The following TAF4B variants were observed in gnomAD, a reference collection of about 807,000 sequenced individuals.
The protein encoded by TAF4B is transcription initiation factor TFIID subunit 4B.
A neutral mutation model predicts 86.4 loss-of-function variants in TAF4B; 38 were observed. That is an observed-to-expected ratio of 0.44 (90% confidence interval 0.34 to 0.58). The LOEUF (loss-of-function observed/expected upper bound fraction) is 0.58, where lower values mean the gene tolerates loss of function less well. TAF4B is among the 20% of genes least tolerant of loss of function. TAF4B has a pLI of 0.02. For synonymous variants in TAF4B, 388 were observed against 391.2 expected, an observed-to-expected ratio of 0.99 and a Z score of 0.10; for missense variants, 988 against 1,027.6, an observed-to-expected ratio of 0.96 and a Z score of 0.53.
At chr18:26,297,219 C>T (rs1206203815) in intron 9 of TAF4B, among the ~76,000 whole-genome samples, 2 of 151,150 alleles carry the variant, frequency 1.3e-5, no homozygotes, top group Admixed American at 6.6e-5. Flanking sequence ...AGCATACACA[C>T]AGACCAGATC....
intron 1 of TAF4B, among the ~76,000 whole-genome samples, chr18:26,253,337 A>G (rs531454545): frequency 2.0e-5 from 3 of 152,236 alleles, no homozygotes; most frequent in South Asian, 4.2e-4. Context: ...TGAGATGATC[A>G]TGTGTTTTTT....
chr18:26,386,528 G>A (rs1286627088), intron 14 of TAF4B, among the ~76,000 whole-genome samples: 1 of 152,068 alleles, frequency 6.6e-6, no homozygotes, highest in Non-Finnish European at 1.5e-5. Flanking sequence ...AGATCAAGAA[G>A]GAAACATCAC....
intron 3 of TAF4B, among the ~76,000 whole-genome samples, chr18:26,270,911 G>A (rs934180008): frequency 2.6e-5 from 4 of 152,118 alleles, no homozygotes; most frequent in Admixed American, 1.3e-4. Flanking sequence ...ATGTTTCCTC[G>A]TGTTTGTAGT....
Position 26,286,247 on chromosome 18 carries a change from C to T in TAF4B, c.1338C>T (p.Thr446=), listed in dbSNP as rs769783375. The T allele has an allele frequency of 1.6e-5, 26 of 1,614,100 alleles. No homozygotes were observed. The South Asian group carries it at 2.9e-4, about 18-fold the overall frequency. ...TGACATCTGTGGCAAACACAGTGAC[C>T]ACGGTCTCACTGCAACCTGAAAAGC... ...PLVTSVANTV[T]TVSLQPEKPV... The change falls in exon 7 of 15, where the codon ACC becomes ACT. Residue 446 remains threonine (T), a synonymous_variant. Transcript: ENST00000269142.
At chr18:26,324,508 A>G (rs1250828529) in intron 11 of TAF4B, among the ~76,000 whole-genome samples, 1 of 152,186 alleles carries the variant, frequency 6.6e-6, no homozygotes, top group Non-Finnish European at 1.5e-5. Context: ...ATATTTATTG[A>G]ATGGCATTCA....
chr18:26,358,237 A>T (rs2144734222), intron 14 of TAF4B, among the ~76,000 whole-genome samples: 1 of 152,234 alleles, frequency 6.6e-6, no homozygotes, highest in African/African-American at 2.4e-5. Flanking sequence ...TTTGCATGGC[A>T]TTGTTTCCTT....
At chr18:26,284,818 G>A (rs1420106883) in intron 6 of TAF4B, among the ~76,000 whole-genome samples, 2 of 152,062 alleles carry the variant, frequency 1.3e-5, no homozygotes, top group Non-Finnish European at 2.9e-5. Context: ...GCAGAGAGCC[G>A]AGATCACGCC....
At chr18:26,344,500 T>C (rs1384327769) in intron 13 of TAF4B, among the ~76,000 whole-genome samples, 1 of 152,170 alleles carries the variant, frequency 6.6e-6, no homozygotes, top group Non-Finnish European at 1.5e-5. Flanking sequence ...AGATATTTTC[T>C]GGTGAAGGAA....
Position 26,367,092 on chromosome 18 carries a change from A to G in TAF4B, c.2421+9298A>G, listed in dbSNP as rs775005028. On this transcript the variant is annotated intron_variant, in intron 14 of 14. Transcript: ENST00000269142. ...AGGATCATCCTAAAAGCACTATTCT[A>G]TAATTTGTGGGACAGTGTGTCTTGG... is the stretch of plus-strand genomic sequence containing the variant. Among the ~76,000 whole-genome samples, 9 of 152,234 alleles carry G rather than the reference A, an allele frequency of 5.9e-5. No homozygotes were observed. The East Asian group carries it at 9.6e-4, about 16-fold the overall frequency.
intron 2 of TAF4B, among the ~76,000 whole-genome samples, chr18:26,266,451 T>C (rs1291834031): frequency 6.6e-6 from 1 of 152,230 alleles, no homozygotes; most frequent in African/African-American, 2.4e-5. Flanking sequence ...AAATTATCTT[T>C]AAGAAATACA....
At chr18:26,368,059 T>C (rs1369398856) in intron 14 of TAF4B, among the ~76,000 whole-genome samples, 1 of 152,222 alleles carries the variant, frequency 6.6e-6, no homozygotes, top group Non-Finnish European at 1.5e-5. Flanking sequence ...CATGGAAATA[T>C]GGTGTAGAAG....
chr18:26,315,170 C>CAT (rs2056898363), intron 9 of TAF4B, 59 bp from the exon 10 acceptor site: 3 of 882,186 alleles, frequency 3.4e-6, no homozygotes, highest in Non-Finnish European at 4.8e-6. Context: ...CTCACACACA[C>CAT]ACACACACAC....
chr18:26,240,299 C>G (rs1465035874), intron 1 of TAF4B, among the ~76,000 whole-genome samples: 1 of 152,176 alleles, frequency 6.6e-6, no homozygotes, highest in Non-Finnish European at 1.5e-5. Flanking sequence ...AGGTCCTTCA[C>G]GTCCCTTGTA....
chr18:26,254,591 A>T (rs1463062304), intron 1 of TAF4B, among the ~76,000 whole-genome samples: 1 of 152,152 alleles, frequency 6.6e-6, no homozygotes, highest in Non-Finnish European at 1.5e-5. Context: ...CCCAAGAAGC[A>T]TTAACCTTTG....
intron 1 of TAF4B, among the ~76,000 whole-genome samples, chr18:26,236,481 G>A (rs2055749888): frequency 6.6e-6 from 1 of 152,180 alleles, no homozygotes; most frequent in African/African-American, 2.4e-5. Context: ...CCTGTTGTTG[G>A]ATCATCTGGT....
intron 1 of TAF4B, among the ~76,000 whole-genome samples, chr18:26,264,189 A>G (rs1598738158): frequency 1.3e-5 from 2 of 152,342 alleles, no homozygotes; most frequent in South Asian, 2.1e-4. Context: ...CTGTAATCCC[A>G]GCACTTTGGG....
At chr18:26,268,809 A>T (rs2056275871) in intron 3 of TAF4B, among the ~76,000 whole-genome samples, 1 of 151,550 alleles carries the variant, frequency 6.6e-6, no homozygotes, top group Non-Finnish European at 1.5e-5. Context: ...TTTATTTTTT[A>T]TTTTGTTTTG....
At chr18:26,262,302 C>T (rs940272109) in intron 1 of TAF4B, among the ~76,000 whole-genome samples, 5 of 151,968 alleles carry the variant, frequency 3.3e-5, no homozygotes, top group African/African-American at 1.2e-4. Context: ...AGAGGGAGCC[C>T]TGTCTTCTTG....
intron 7 of TAF4B, among the ~76,000 whole-genome samples, chr18:26,288,192 T>C (rs1440605193): frequency 6.6e-6 from 1 of 152,216 alleles, no homozygotes; most frequent in East Asian, 1.9e-4. Flanking sequence ...TGAGCATCTA[T>C]AGCATATAGG....
Sources: gnomAD v4.1 joint callset for allele counts (sites outside exome capture counted in the v4.1 genomes callset) on GRCh38, gnomAD v4.1.1 for gene constraint, MANE v1.5 for transcripts, NCBI Gene and HGNC (gene_info 2026-07-23, HGNC 2026-07-21) for gene names.